Variants in CYRIB observed in about 807,000 individuals in gnomAD.
The protein encoded by CYRIB is CYFIP related Rac1 interactor B.
A neutral mutation model predicts 44.2 loss-of-function variants in CYRIB; 8 were observed. The ratio of observed to expected loss-of-function variants is 0.18; its 90% CI spans 0.11 to 0.33. The LOEUF is 0.33. Ranked by LOEUF, CYRIB falls within the 10% of genes least tolerant of loss-of-function variation. CYRIB has a pLI of 1.00. For synonymous variants in CYRIB, 131 were observed against 127.2 expected (o/e 1.03, Z -0.20); for missense variants, 185 against 382.8 (o/e 0.48, Z 4.31).
chr8:129,938,789 C>G (rs1479376108), intron 1 of CYRIB, among the ~76,000 whole-genome samples: 1 of 152,064 alleles, frequency 6.6e-6, no homozygotes, highest in Non-Finnish European at 1.5e-5. Flanking sequence ...GGAAATTAAT[C>G]CATCATAGAA....
rs766139009 is a variant in CYRIB, at chr8:129,871,332, C to G, written c.195+43G>C. On this transcript the variant is annotated intron_variant, in intron 4 of 11. Transcript: ENST00000519824. The stretch of plus-strand genomic sequence containing the variant: ...AACAAGAGATTACAAAGAGGTGGGA[C>G]AGTAAGTTTCAGTTAACTAGAAAAT... The G allele has an allele frequency of 1.3e-5, 20 of 1,575,740 alleles. No individual in the cohort carries two copies. In the South Asian group the frequency reaches 2.4e-4, roughly 19 times the overall value.
chr8:129,978,971 G>A (rs1030550404), intron 1 of CYRIB, among the ~76,000 whole-genome samples: 3 of 151,710 alleles, frequency 2.0e-5, no homozygotes, highest in Non-Finnish European at 1.5e-5. Flanking sequence ...CCTCCATCTC[G>A]TACTAAAAAT....
intron 2 of CYRIB, among the ~76,000 whole-genome samples, chr8:129,963,437 C>T (rs913042374): frequency 1.3e-5 from 2 of 152,208 alleles, no homozygotes; most frequent in Non-Finnish European, 2.9e-5. Context: ...CACTCACAGG[C>T]TGATGTGGAG....
chr8:129,849,689 G>A (rs747150718), intron 9 of CYRIB: 4 of 208,290 alleles, frequency 1.9e-5, no homozygotes, highest in Admixed American at 5.3e-5. Flanking sequence ...CCAGAGATAT[G>A]AGAAGATGGT....
intron 2 of CYRIB, among the ~76,000 whole-genome samples, chr8:129,887,551 T>C (rs574009429): frequency 1.3e-5 from 2 of 152,292 alleles, no homozygotes; most frequent in Non-Finnish European, 1.5e-5. Flanking sequence ...GACCCCGGAA[T>C]GGCAGATCCA....
chr8:129,958,262 TG>T (rs2094994580), intron 2 of CYRIB, among the ~76,000 whole-genome samples: 1 of 140,034 alleles, frequency 7.1e-6, no homozygotes, highest in South Asian at 2.3e-4. Flanking sequence ...GCCTTTCCAC[TG>T]GGCAGTGAAG....
At chr8:129,851,983 A>C in intron 8 of CYRIB, 179 bp downstream of exon 10, 1 of 397,988 alleles carries the variant, frequency 2.5e-6, no homozygotes, top group South Asian at 1.2e-4. Context: ...CTCCAGAGAA[A>C]CTGCAAATAC....
At chr8:129,922,200 T>C (rs2084023146) in intron 1 of CYRIB, among the ~76,000 whole-genome samples, 1 of 152,192 alleles carries the variant, frequency 6.6e-6, no homozygotes, top group Non-Finnish European at 1.5e-5. Flanking sequence ...TTCTGTAACC[T>C]ACCTGTCATC....
At chr8:129,878,782 A>C (rs1312643184) in intron 3 of CYRIB, among the ~76,000 whole-genome samples, 1 of 152,242 alleles carries the variant, frequency 6.6e-6, no homozygotes, top group Non-Finnish European at 1.5e-5. Flanking sequence ...AAATTACTTA[A>C]AGGTCTGTGA....
intron 2 of CYRIB, among the ~76,000 whole-genome samples, chr8:129,950,907 A>G (rs888768720): frequency 1.3e-5 from 2 of 152,218 alleles, no homozygotes; most frequent in Non-Finnish European, 2.9e-5. Flanking sequence ...ACTTGGGGGC[A>G]GTACGATTTT....
chr8:129,864,915 T>G (rs1388855495), intron 4 of CYRIB: 2 of 342,896 alleles, frequency 5.8e-6, no homozygotes, highest in African/African-American at 4.4e-5. Context: ...ACCATACCAG[T>G]CTATAAGCAC....
At chr8:129,939,153 G>T (rs1187254536) in intron 1 of CYRIB, among the ~76,000 whole-genome samples, 1 of 152,064 alleles carries the variant, frequency 6.6e-6, no homozygotes, top group East Asian at 1.9e-4. Context: ...GAAGCCCGGG[G>T]GATAAGGGGG....
At chr8:129,989,073 C>A (rs1183616742) in intron 1 of CYRIB, among the ~76,000 whole-genome samples, 2 of 152,162 alleles carry the variant, frequency 1.3e-5, no homozygotes, top group East Asian at 3.8e-4. Context: ...TCTTTTCCCC[C>A]CAACATTTAT....
chr8:129,880,963 T>C (rs947301390), intron 2 of CYRIB, among the ~76,000 whole-genome samples: 2 of 152,198 alleles, frequency 1.3e-5, no homozygotes, highest in African/African-American at 4.8e-5. Flanking sequence ...AAAAAAACTT[T>C]ACCACACATA....
chr8:129,954,402 T>C (rs2094675063), intron 2 of CYRIB, among the ~76,000 whole-genome samples: 1 of 152,050 alleles, frequency 6.6e-6, no homozygotes, highest in Admixed American at 6.6e-5. Flanking sequence ...TTTGTATTTT[T>C]AGTAGAGATG....
At chr8:129,917,838 CAG>C (rs1175550172) in intron 1 of CYRIB, among the ~76,000 whole-genome samples, 3 of 152,094 alleles carry the variant, frequency 2.0e-5, no homozygotes, top group African/African-American at 7.2e-5. Flanking sequence ...GCCTGGGTGA[CAG>C]AGCGAGACAC....
At chr8:129,863,092 GA>G (rs958879140) in intron 4 of CYRIB, among the ~76,000 whole-genome samples, 1 of 152,036 alleles carries the variant, frequency 6.6e-6, no homozygotes, top group African/African-American at 2.4e-5. Flanking sequence ...CAGTAGAAAA[GA>G]AAACTCAAAA....
intron 1 of CYRIB, among the ~76,000 whole-genome samples, chr8:129,903,967 G>A (rs1227577584): frequency 6.6e-6 from 1 of 152,120 alleles, no homozygotes; most frequent in Non-Finnish European, 1.5e-5. Context: ...TGCTCAGGCT[G>A]GTCTCCAATT....
intron 1 of CYRIB, among the ~76,000 whole-genome samples, chr8:129,904,134 G>A (rs1563690184): frequency 1.3e-5 from 2 of 152,154 alleles, no homozygotes; most frequent in African/African-American, 4.8e-5. Flanking sequence ...AAGGTTATAA[G>A]AAGCAAATAA....
Sources: allele counts gnomAD v4.1 joint callset (sites outside exome capture counted in the v4.1 genomes callset), GRCh38; gene constraint gnomAD v4.1.1; transcripts MANE v1.5; gene names NCBI Gene and HGNC (gene_info 2026-07-23, HGNC 2026-07-21).